PREP: variants seen among roughly 807,000 people sequenced by gnomAD.
PREP encodes the protein dJ355L5.1 (prolyl endopeptidase).
PREP carries 29 observed loss-of-function variants against 87.6 expected under a neutral mutation model. The ratio of observed to expected loss-of-function variants is 0.33; its 90% CI spans 0.25 to 0.45. The LOEUF is 0.45. Among genes scored for constraint, PREP ranks in the 20% least tolerant of loss-of-function variants. The pLI is 1.00. For synonymous variants in PREP, 337 were observed against 328.6 expected (o/e 1.03, Z -0.28); for missense variants, 695 against 886.5 (o/e 0.78, Z 2.74).
rs2114607191 is a variant in PREP at position 105,277,892 on chromosome 6, C to A, written c.*252G>T. Reference sequence around the variant, plus strand: ...TTTGTTGCCATTTAGCTATTTATCCCAACATGCCCTTAAAAAAAACACCAA... The same window carrying A: ...TTTGTTGCCATTTAGCTATTTATCCAAACATGCCCTTAAAAAAAACACCAA... On this transcript the variant is annotated 3_prime_UTR_variant, in exon 15 of 15. Coordinates refer to ENST00000652536, the MANE Select transcript of PREP (RefSeq NM_002726.5). 5.6e-6 allele frequency: 3 copies of A among 536,392 alleles called. No homozygotes were observed. The highest frequency in any genetic ancestry group is 9.9e-6 in the Non-Finnish European group (3 of 304,354). The allele number at this position is 536,392 out of a possible 1,614,324, so 33.2% of individuals were successfully genotyped here. A position where few individuals can be genotyped will look rare whatever the true frequency, so the allele number is the denominator to read the frequency against.
In PREP at chr6:105,323,668, G is replaced by C. The variant is rs890324027; in HGVS notation, c.1314C>G (p.Val438=). The C allele has an allele frequency of 1.2e-6, 2 of 1,605,280 alleles. No individual in the cohort carries two copies. Among genetic ancestry groups the C allele is most frequent in the Admixed American group, 1.7e-5 (1 of 59,994 alleles). The part of the protein sequence containing the change: ...KGIDASDYQT[V]QIFYPSKDGT... ...AATGAGATCATATTCTCCATACCTGGACTGTCTGGTAATCAGAAGCATCAA... is the reference window on the plus strand; with the variant it reads ...AATGAGATCATATTCTCCATACCTGCACTGTCTGGTAATCAGAAGCATCAA... Residue 438 remains valine, a synonymous_variant, in exon 10 of 15, where the codon GTC becomes GTG. Coordinates refer to ENST00000652536, the MANE Select transcript of PREP (RefSeq NM_002726.5).
intron 10 of PREP, among the ~76,000 whole-genome samples, chr6:105,290,575 G>A (rs1770280366): frequency 6.6e-6 from 1 of 152,110 alleles, no homozygotes; most frequent in African/African-American, 2.4e-5. Flanking sequence ...CATCCCAGCT[G>A]ACTCTCAGAC....
At chr6:105,364,446 T>A (rs953231528) in intron 6 of PREP, among the ~76,000 whole-genome samples, 1 of 152,128 alleles carries the variant, frequency 6.6e-6, no homozygotes, top group African/African-American at 2.4e-5. Context: ...GGAGACAGCA[T>A]CTAGGATATA....
chr6:105,277,978 A>G lies in PREP; in HGVS notation c.*166T>C, dbSNP rs1769982315. On this transcript the variant is annotated 3_prime_UTR_variant, in exon 15 of 15. Transcript: ENST00000652536. ...ACACCAAGGCCTTGCTAAAAAGGAG[A>G]AGCCTAAAAAAGATAAAATTCCCAC... The G allele has an allele frequency of 1.0e-6, 1 of 968,878 alleles. No homozygotes were observed. The highest frequency in any genetic ancestry group is 1.6e-5 in the African/African-American group (1 of 60,986). The allele number at this position is 968,878 out of a possible 1,614,324, so 60.0% of individuals were successfully genotyped here.
chr6:105,361,494 T>C (rs57279422), intron 6 of PREP, among the ~76,000 whole-genome samples: 4,732 of 152,236 alleles, frequency 0.031, 205 homozygotes, highest in African/African-American at 0.091. Context: ...TTTCATTATT[T>C]GAATCTACAT....
chr6:105,363,962 T>G (rs969075153), intron 6 of PREP, among the ~76,000 whole-genome samples: 6 of 152,108 alleles, frequency 3.9e-5, no homozygotes, highest in Admixed American at 2.6e-4. Context: ...TAAGGAGAGC[T>G]GGAACCTGGA....
chr6:105,370,921 C>T (rs1772521942), intron 5 of PREP, among the ~76,000 whole-genome samples: 1 of 152,174 alleles, frequency 6.6e-6, no homozygotes, highest in South Asian at 2.1e-4. Flanking sequence ...GGAAACTACT[C>T]TGTATGATAC....
At chr6:105,377,799 T>C (rs1252379485) in intron 2 of PREP, among the ~76,000 whole-genome samples, 18 of 152,208 alleles carry the variant, frequency 1.2e-4, no homozygotes, top group Non-Finnish European at 4.4e-5. Flanking sequence ...AATAATCCTA[T>C]GGAGAAGGTC....
chr6:105,319,216 C>T (rs1362168027), intron 10 of PREP, among the ~76,000 whole-genome samples: 1 of 152,154 alleles, frequency 6.6e-6, no homozygotes, highest in Admixed American at 6.5e-5. Flanking sequence ...TATAAGAGAA[C>T]AACAGTAAAG....
In PREP at chr6:105,276,366, C is replaced by T. The variant is rs1366187069; in HGVS notation, c.*1778G>A. 2.5e-4 allele frequency among the ~76,000 whole-genome samples: 34 copies of T among 136,196 alleles called. No individual in the cohort carries two copies. The highest frequency in any genetic ancestry group is 3.5e-3 in the Middle Eastern group (1 of 288). The allele number at this position is 136,196 out of a possible 152,430, so 89.3% of individuals were successfully genotyped here. Reference sequence around the variant, plus strand: ...CACACACTACACACTGTATTTTCTGCTGTAAAGCAGACCTCAGAAAGTATG... The same window carrying T: ...CACACACTACACACTGTATTTTCTGTTGTAAAGCAGACCTCAGAAAGTATG... On this transcript the variant is annotated 3_prime_UTR_variant, in exon 15 of 15. Coordinates refer to ENST00000652536, the MANE Select transcript of PREP (RefSeq NM_002726.5).
chr6:105,397,916 A>G lies in PREP; in HGVS notation c.57T>C (p.Tyr19=). 1.2e-6 allele frequency: 2 copies of G among 1,609,820 alleles called. No individual in the cohort carries two copies. The highest frequency in any genetic ancestry group is 1.7e-6 in the Non-Finnish European group (2 of 1,176,058). Residue 19 remains tyrosine (Y), a synonymous_variant, in exon 2 of 15, where the codon TAT becomes TAC. Transcript: ENST00000652536. ...AAGGGTCACAAATTTTATGACCATG[A>G]TAATCCTGTACCTGTAAAAAACAAA... The part of the protein sequence containing the change: ...VYRDETAVQD[Y]HGHKICDPYA...
At chr6:105,371,180 C>T (rs1035874985) in intron 5 of PREP, among the ~76,000 whole-genome samples, 10 of 152,158 alleles carry the variant, frequency 6.6e-5, no homozygotes, top group Non-Finnish European at 1.2e-4. Context: ...TAACTTAAAA[C>T]TGTTCTAAAA....
intron 6 of PREP, among the ~76,000 whole-genome samples, chr6:105,359,194 G>C (rs1271567259): frequency 6.6e-6 from 1 of 152,202 alleles, no homozygotes; most frequent in Admixed American, 6.5e-5. Flanking sequence ...GGCACACACA[G>C]ATCAATAGGC....
At chr6:105,334,126 T>C (rs143490117) in intron 7 of PREP, among the ~76,000 whole-genome samples, 312 of 152,322 alleles carry the variant, frequency 2.0e-3, no homozygotes, top group African/African-American at 6.2e-3. Flanking sequence ...CACTCTTGAT[T>C]TTCTCAGTAT....
Position 105,278,079 on chromosome 6 carries a change from T to C in PREP, c.*65A>G, listed in dbSNP as rs867928528. On this transcript the variant is annotated 3_prime_UTR_variant, in exon 15 of 15. Coordinates refer to ENST00000652536, the MANE Select transcript of PREP (RefSeq NM_002726.5). The surrounding 1 kb of genome is among the most constrained non-coding windows in gnomAD (Gnocchi z 4.2). ...GGGAAGCATTATGCCCAGTGGTTTC[T>C]TGGTGTCAACGTGGGAAAGCCCTTG... 1 of 1,542,926 alleles carries C rather than the reference T, an allele frequency of 6.5e-7. No individual in the cohort carries two copies.
intron 10 of PREP, among the ~76,000 whole-genome samples, chr6:105,304,356 G>A (rs2114629314): frequency 6.6e-6 from 1 of 152,330 alleles, no homozygotes; most frequent in South Asian, 2.1e-4. Context: ...CCTGTGGAAT[G>A]TACTACGAAT....
chr6:105,290,404 C>T (rs1770276996), intron 10 of PREP, among the ~76,000 whole-genome samples: 1 of 152,040 alleles, frequency 6.6e-6, no homozygotes, highest in South Asian at 2.1e-4. Flanking sequence ...ATGATGCTAC[C>T]TTCACTGTTC....
At chr6:105,360,554 G>C (rs1772219544) in intron 6 of PREP, among the ~76,000 whole-genome samples, 1 of 152,192 alleles carries the variant, frequency 6.6e-6, no homozygotes, top group African/African-American at 2.4e-5. Context: ...TGTGTATACT[G>C]TGGTTCTAGG....
chr6:105,388,021 T>A (rs892015163), intron 2 of PREP, among the ~76,000 whole-genome samples: 4 of 151,800 alleles, frequency 2.6e-5, no homozygotes, highest in African/African-American at 9.7e-5. Context: ...ATGAAGCACA[T>A]ATGGAGAAAA....
Sources: allele counts gnomAD v4.1 joint callset (sites outside exome capture counted in the v4.1 genomes callset), GRCh38; gene constraint gnomAD v4.1.1; non-coding constraint Gnocchi (gnomAD v3.1); transcripts MANE v1.5; gene names NCBI Gene and HGNC (gene_info 2026-07-23, HGNC 2026-07-21).